Variants in FAM110B observed in about 807,000 individuals in gnomAD.
FAM110B encodes the protein family with sequence similarity 110 member B.
A neutral mutation model predicts 20.4 loss-of-function variants in FAM110B; 6 were observed. The ratio of observed to expected loss-of-function variants is 0.29; its 90% CI spans 0.16 to 0.58. FAM110B has a LOEUF of 0.58. FAM110B is among the 20% of genes least tolerant of loss of function. The probability of loss-of-function intolerance (pLI) is 0.90; values close to 1 mark genes in which losing one functional copy is unlikely to be tolerated. For missense variants in FAM110B, 434 were observed against 498.2 expected (o/e 0.87, Z 1.23); for synonymous variants, 226 against 214.1 (o/e 1.06, Z -0.49).
At chr8:58,106,864 T>C (rs941710118) in intron 3 of FAM110B, among the ~76,000 whole-genome samples, 4 of 152,222 alleles carry the variant, frequency 2.6e-5, no homozygotes, top group Non-Finnish European at 5.9e-5. Context: ...AAAACCTCAG[T>C]GTGTTTATGT....
At chr8:58,050,802 G>C (rs1805424890) in intron 2 of FAM110B, among the ~76,000 whole-genome samples, 1 of 152,106 alleles carries the variant, frequency 6.6e-6, no homozygotes, top group Admixed American at 6.5e-5. Context: ...TCAAATCCAT[G>C]GTATTTACTA....
intron 2 of FAM110B, among the ~76,000 whole-genome samples, chr8:58,054,890 A>G (rs1233842943): frequency 6.6e-6 from 1 of 151,304 alleles, no homozygotes; most frequent in African/African-American, 2.4e-5. Flanking sequence ...GTTATTTCAT[A>G]GCACTTTCTC....
chr8:58,018,331 T>A (rs1408436649), intron 1 of FAM110B, among the ~76,000 whole-genome samples: 2 of 152,196 alleles, frequency 1.3e-5, no homozygotes, highest in Non-Finnish European at 2.9e-5. Context: ...GACTCTTTGA[T>A]CATTATGTAA....
At chr8:58,017,862 A>T (rs1406473602) in intron 1 of FAM110B, among the ~76,000 whole-genome samples, 1 of 152,186 alleles carries the variant, frequency 6.6e-6, no homozygotes, top group East Asian at 1.9e-4. Context: ...GAACACAAAG[A>T]CCAGACTGGT....
At chr8:58,013,744 C>T (rs1374366846) in intron 1 of FAM110B, among the ~76,000 whole-genome samples, 2 of 152,322 alleles carry the variant, frequency 1.3e-5, no homozygotes, top group Non-Finnish European at 1.5e-5. Flanking sequence ...TCTGGCACCA[C>T]CTTTTTTACT....
chr8:58,021,983 A>G (rs1804765102), intron 1 of FAM110B, among the ~76,000 whole-genome samples: 1 of 152,154 alleles, frequency 6.6e-6, no homozygotes, highest in Non-Finnish European at 1.5e-5. Flanking sequence ...CTGGGGAGCC[A>G]GTGTTGAGAG....
intron 3 of FAM110B, among the ~76,000 whole-genome samples, chr8:58,082,144 C>G (rs145657428): frequency 1.0e-3 from 155 of 152,288 alleles, no homozygotes; most frequent in Non-Finnish European, 1.8e-3. Flanking sequence ...CAGCGCTATT[C>G]TATGGACTGA....
intron 1 of FAM110B, among the ~76,000 whole-genome samples, chr8:58,000,370 C>A (rs1007863116): frequency 2.0e-5 from 3 of 152,182 alleles, no homozygotes; most frequent in Admixed American, 1.3e-4. Context: ...TATCACATCT[C>A]ATTGTAATGA....
At chr8:58,025,415 G>A (rs991551207) in intron 1 of FAM110B, among the ~76,000 whole-genome samples, 1 of 152,152 alleles carries the variant, frequency 6.6e-6, no homozygotes, top group Non-Finnish European at 1.5e-5. Flanking sequence ...GTGCTGTAGT[G>A]CCTCTGAATA....
At chr8:58,128,403 A>G (rs1398899911) in intron 3 of FAM110B, among the ~76,000 whole-genome samples, 1 of 152,060 alleles carries the variant, frequency 6.6e-6, no homozygotes, top group Non-Finnish European at 1.5e-5. Context: ...TTTTCGAAAA[A>G]TCACTGTAAT....
chr8:57,999,972 T>C (rs1804259690), intron 1 of FAM110B, among the ~76,000 whole-genome samples: 1 of 152,192 alleles, frequency 6.6e-6, no homozygotes, highest in Admixed American at 6.5e-5. Context: ...TTGCATTTTA[T>C]TCATCAAACT....
At chr8:58,042,523 C>T (rs186005973) in intron 2 of FAM110B, among the ~76,000 whole-genome samples, 42 of 152,252 alleles carry the variant, frequency 2.8e-4, no homozygotes, top group African/African-American at 9.1e-4. Flanking sequence ...GGGATCTCCC[C>T]GTCTTATTTC....
chr8:58,039,593 C>G (rs1354406374), intron 2 of FAM110B, among the ~76,000 whole-genome samples: 1 of 152,202 alleles, frequency 6.6e-6, no homozygotes, highest in Non-Finnish European at 1.5e-5. Flanking sequence ...GTTGAGTAGG[C>G]TGTGTTAGGA....
chr8:58,115,880 T>G (rs1310223749), intron 3 of FAM110B, among the ~76,000 whole-genome samples: 1 of 152,202 alleles, frequency 6.6e-6, no homozygotes, highest in Non-Finnish European at 1.5e-5. Flanking sequence ...AATAGCATAG[T>G]GATGATAATC....
At chr8:58,052,071 A>T (rs1263957451) in intron 2 of FAM110B, among the ~76,000 whole-genome samples, 1 of 152,170 alleles carries the variant, frequency 6.6e-6, no homozygotes, top group East Asian at 1.9e-4. Context: ...TTTTCCTTCC[A>T]CTGTTTGACT....
At chr8:58,034,540 C>T (rs1805035562) in intron 2 of FAM110B, among the ~76,000 whole-genome samples, 1 of 152,286 alleles carries the variant, frequency 6.6e-6, no homozygotes, top group Admixed American at 6.5e-5. Context: ...GACCTGGACT[C>T]TGCCATGTGC....
chr8:58,132,041 T>G (rs1281484648), intron 3 of FAM110B, among the ~76,000 whole-genome samples: 1 of 152,248 alleles, frequency 6.6e-6, no homozygotes, highest in Non-Finnish European at 1.5e-5. Flanking sequence ...ATATTCTAAT[T>G]TCCTTAGAAA....
At chr8:58,122,267 G>A (rs1807381370) in intron 3 of FAM110B, among the ~76,000 whole-genome samples, 1 of 151,986 alleles carries the variant, frequency 6.6e-6, no homozygotes, top group East Asian at 1.9e-4. Context: ...TGTCTCTGGT[G>A]CTCTGGAATT....
At position 58,137,247 on chromosome 8, in the gene FAM110B, C is replaced by G. The variant is rs140008625; in HGVS notation, c.-324-8660C>G. Among the ~76,000 whole-genome samples, 1,231 of 152,292 alleles carry G rather than the reference C, an allele frequency of 8.1e-3. 18 individuals carry two copies. Among genetic ancestry groups the G allele is most frequent in the African/African-American group, 0.027 (1,129 of 41,558 alleles). On this transcript the variant is annotated intron_variant, in intron 3 of 3. Transcript: ENST00000519262. ...GATTATCAATGCCAAGTTGCAGACA[C>G]TGGGGACAGCATTTAATAATAGCTT...
Sources: gnomAD v4.1 joint callset for allele counts (sites outside exome capture counted in the v4.1 genomes callset) on GRCh38, gnomAD v4.1.1 for gene constraint, MANE v1.5 for transcripts, NCBI Gene and HGNC (gene_info 2026-07-23, HGNC 2026-07-21) for gene names.